PARD6G: variants seen among roughly 807,000 people sequenced by gnomAD.
The protein encoded by PARD6G is par-6 family cell polarity regulator gamma.
In PARD6G, 7 loss-of-function variants were observed where a neutral mutation model predicts 10.7. The ratio of observed to expected loss-of-function variants is 0.66; its 90% CI spans 0.37 to 1.23. The LOEUF is 1.23. Among genes scored for constraint, PARD6G ranks in the 50% most tolerant of loss-of-function variants. The probability of loss-of-function intolerance (pLI) is 0.02; values close to 1 mark genes in which losing one functional copy is unlikely to be tolerated. For missense variants in PARD6G, 548 were observed against 571.8 expected, an observed-to-expected ratio of 0.96 and a Z score of 0.42; for synonymous variants, 287 against 269.4, an observed-to-expected ratio of 1.07 and a Z score of -0.64.
At chr18:80,203,012 T>G in intron 1 of PARD6G, 80 bp from the exon 2 acceptor site, 9 of 920,024 alleles carry the variant, frequency 9.8e-6, no homozygotes, top group Non-Finnish European at 1.4e-5. Flanking sequence ...GTGGTTAGTG[T>G]ACTTAACAAA....
intron 2 of PARD6G, among the ~76,000 whole-genome samples, chr18:80,166,910 C>A (rs2052739803): frequency 6.6e-6 from 1 of 152,030 alleles, no homozygotes; most frequent in Non-Finnish European, 1.5e-5. Context: ...CAAACCAGAG[C>A]CCCCTTTGAT....
At position 80,247,317 on chromosome 18, in the gene PARD6G, A is replaced by G; in HGVS notation, c.32T>C (p.Leu11Ser). 4 of 1,584,752 alleles carry G rather than the reference A, an allele frequency of 2.5e-6. No homozygotes were observed. Among genetic ancestry groups the G allele is most frequent in the Non-Finnish European group, 3.4e-6 (4 of 1,166,406 alleles). ...CACTGCGCTGCAATCGTAGAATCGC[A>G]AGGTCTGAGACTTGTGAAAACTTCG... MNRSFHKSQT[L>S]RFYDCSAVEV... Residue 11 changes from leucine (L) to serine (S), a missense_variant, in exon 1 of 3, where the codon TTG (leucine) becomes TCG (serine). Leu to Ser is a moderately radical substitution (Grantham distance 145, BLOSUM62 -2). This residue lies in a region of PARD6G where 235 missense variants were observed against 291.9 expected (regional missense o/e 0.81). Transcript: ENST00000353265. This position sits in a 1 kb window ranked among gnomAD's most constrained non-coding sequence, Gnocchi z 4.2.
At position 80,163,218 on chromosome 18, in the gene PARD6G, G is replaced by A. The variant is rs572524920; in HGVS notation, c.296-2612C>T. On this transcript the variant is annotated intron_variant, in intron 2 of 2. Transcript: ENST00000353265. Reference sequence around the variant, plus strand: ...CCTTGAGGACAGGCCCTATGCTCAGGCCCTGTGCTCAGAGCCACGAGCAGC... The same window carrying A: ...CCTTGAGGACAGGCCCTATGCTCAGACCCTGTGCTCAGAGCCACGAGCAGC... Among the ~76,000 whole-genome samples, 7 of 152,294 alleles carry A rather than the reference G, an allele frequency of 4.6e-5. No individual in the cohort carries two copies. The East Asian group carries it at 1.2e-3, about 25-fold the overall frequency.
intron 2 of PARD6G, among the ~76,000 whole-genome samples, chr18:80,186,223 C>T (rs189339104): frequency 6.7e-6 from 1 of 148,568 alleles, no homozygotes; most frequent in East Asian, 2.1e-4. Context: ...CATATGCTTG[C>T]ACACCCTCAC....
chr18:80,185,993 CAG>C (rs2052873803), intron 2 of PARD6G, among the ~76,000 whole-genome samples: 2 of 136,116 alleles, frequency 1.5e-5, no homozygotes, highest in African/African-American at 5.7e-5. Flanking sequence ...CATATACCCT[CAG>C]ACATGCTCGC....
chr18:80,179,514 TC>T (rs1358119873), intron 2 of PARD6G, among the ~76,000 whole-genome samples: 1 of 151,962 alleles, frequency 6.6e-6, no homozygotes, highest in South Asian at 2.1e-4. Context: ...TGCCACTGCC[TC>T]CCCCCACCCA....
At chr18:80,214,413 C>A (rs560149352) in intron 1 of PARD6G, among the ~76,000 whole-genome samples, 10 of 152,144 alleles carry the variant, frequency 6.6e-5, no homozygotes, top group African/African-American at 2.4e-4. Context: ...TTGCAGTGAG[C>A]TGAGATCACA....
intron 2 of PARD6G, among the ~76,000 whole-genome samples, chr18:80,196,019 T>C (rs1966953467): frequency 6.6e-6 from 1 of 152,082 alleles, no homozygotes; most frequent in Admixed American, 6.5e-5. Flanking sequence ...AGCAAGAACA[T>C]TTCTACCAGT....
intron 2 of PARD6G, among the ~76,000 whole-genome samples, chr18:80,172,723 T>C (rs1226269954): frequency 6.6e-6 from 1 of 152,198 alleles, no homozygotes. Context: ...TCTTTACATA[T>C]TCCGAATAAG....
intron 1 of PARD6G, among the ~76,000 whole-genome samples, chr18:80,214,534 C>T (rs1342963138): frequency 1.3e-5 from 2 of 152,052 alleles, no homozygotes; most frequent in East Asian, 3.9e-4. Flanking sequence ...TAAAAGTAGA[C>T]CCAAGTAGAA....
rs1425807522 is a variant in PARD6G at position 80,193,174 on chromosome 18, TC to T, written c.295+9535del. 2.0e-5 allele frequency among the ~76,000 whole-genome samples: 3 copies of T among 152,130 alleles called. No homozygotes were observed. In the East Asian group the frequency reaches 5.8e-4, roughly 29 times the overall value. On this transcript the variant is annotated intron_variant, in intron 2 of 2. Transcript: ENST00000353265. ...AGGCTCGCTCCTGACCCTGACGTCC[TC>T]CCCACTCCAGGTCCTAGGAGCCTGT... is the stretch of plus-strand genomic sequence containing the variant.
intron 1 of PARD6G, among the ~76,000 whole-genome samples, chr18:80,221,931 A>G (rs1025510446): frequency 2.0e-5 from 3 of 152,242 alleles, no homozygotes; most frequent in Non-Finnish European, 4.4e-5. Flanking sequence ...AGAAAATTCC[A>G]TTAACAATAG....
chr18:80,237,930 T>C (rs1396511943), intron 1 of PARD6G, among the ~76,000 whole-genome samples: 1 of 152,128 alleles, frequency 6.6e-6, no homozygotes, highest in East Asian at 1.9e-4. Flanking sequence ...ATTGTGGAAG[T>C]CAGTGTGGCG....
chr18:80,202,467 T>G (rs1017300535), intron 2 of PARD6G: 1 of 415,034 alleles, frequency 2.4e-6, no homozygotes, highest in African/African-American at 2.0e-5. Context: ...GTTAAATGAC[T>G]GGAAGTATCA....
At chr18:80,230,736 A>T (rs1162383950) in intron 1 of PARD6G, among the ~76,000 whole-genome samples, 1 of 152,070 alleles carries the variant, frequency 6.6e-6, no homozygotes, top group Non-Finnish European at 1.5e-5. Context: ...GAGGGGTAGC[A>T]GTGAGGGAGG....
intron 2 of PARD6G, among the ~76,000 whole-genome samples, chr18:80,163,384 G>A (rs2052713813): frequency 6.6e-6 from 1 of 152,198 alleles, no homozygotes; most frequent in Non-Finnish European, 1.5e-5. Context: ...GTACAGTGAG[G>A]CTTGGCCCGG....
At chr18:80,179,485 C>T (rs1047651117) in intron 2 of PARD6G, among the ~76,000 whole-genome samples, 1 of 152,210 alleles carries the variant, frequency 6.6e-6, no homozygotes, top group African/African-American at 2.4e-5. Flanking sequence ...GCCAACAGGA[C>T]AGGGGAGTCC....
rs1266509991 is a variant in PARD6G at position 80,183,252 on chromosome 18, G to C, written c.295+19458C>G. On this transcript the variant is annotated intron_variant, in intron 2 of 2. Coordinates refer to ENST00000353265, the MANE Select transcript of PARD6G (RefSeq NM_032510.4). The surrounding 1 kb of genome is among the most constrained non-coding windows in gnomAD (Gnocchi z 4.5). ...GCAAAACAAGCTGCAGATAGGCATG[G>C]AGAAGAGCAAAGCCGCATACAGGCA... The C allele has an allele frequency of 4.3e-6, 3 of 698,324 alleles. No individual in the cohort carries two copies. The highest frequency in any genetic ancestry group is 1.8e-5 in the African/African-American group (1 of 57,068). 43.3% of individuals were successfully genotyped at this position (698,324 alleles called of 1,614,324 possible). A position where few individuals can be genotyped will look rare whatever the true frequency, so the allele number is the denominator to read the frequency against.
At chr18:80,164,895 CTAA>C (rs923647187) in intron 2 of PARD6G, among the ~76,000 whole-genome samples, 1 of 152,064 alleles carries the variant, frequency 6.6e-6, no homozygotes, top group African/African-American at 2.4e-5. Context: ...AGCAGACGTA[CTAA>C]TAACGGTCTA....
Sources: allele counts gnomAD v4.1 joint callset (sites outside exome capture counted in the v4.1 genomes callset), GRCh38; gene constraint gnomAD v4.1.1; regional missense constraint gnomAD v4.1.1; non-coding constraint Gnocchi (gnomAD v3.1); transcripts MANE v1.5; gene names NCBI Gene and HGNC (gene_info 2026-07-23, HGNC 2026-07-21).